FAM227B: variants seen among roughly 807,000 people sequenced by gnomAD.
FAM227B encodes family with sequence similarity 227 member B, also known as protein FAM227B.
In FAM227B, 88 loss-of-function variants were observed where a neutral mutation model predicts 73.8. That is an observed-to-expected ratio of 1.19 (90% CI 1.00 to 1.42). The LOEUF is 1.42. FAM227B is among the 40% of genes most tolerant of loss of function. The pLI, the probability that FAM227B is intolerant of heterozygous loss-of-function variation, is 0.00. For synonymous variants in FAM227B, 210 were observed against 190.5 expected (o/e 1.10, Z -0.84); for missense variants, 632 against 590.9 (o/e 1.07, Z -0.72).
At chr15:49,332,575 A>G (rs967108998) in intron 14 of FAM227B, among the ~76,000 whole-genome samples, 1 of 152,232 alleles carries the variant, frequency 6.6e-6, no homozygotes, top group Non-Finnish European at 1.5e-5. Context: ...AAGGAAGGAT[A>G]GAAACTTGAG....
chr15:49,568,705 A>T (rs2074858917), intron 8 of FAM227B, among the ~76,000 whole-genome samples: 1 of 152,014 alleles, frequency 6.6e-6, no homozygotes, highest in African/African-American at 2.4e-5. Flanking sequence ...TTGATGAGTT[A>T]ATTATCCTTA....
chr15:49,366,718 G>A (rs2045267305), intron 13 of FAM227B: 8 of 1,205,628 alleles, frequency 6.6e-6, no homozygotes, highest in South Asian at 2.4e-5. Context: ...GTGGCGCGGC[G>A]CGGCTCACTA....
In FAM227B at chr15:49,535,991, A is replaced by G. The variant is rs186277830; in HGVS notation, c.874+5689T>C. Reference sequence around the variant, plus strand: ...GAAAAACCAGAACACTTTTCCACTAAGATCCAGTACAAGACAAGGATACTC... The same window carrying G: ...GAAAAACCAGAACACTTTTCCACTAGGATCCAGTACAAGACAAGGATACTC... On this transcript the variant is annotated intron_variant, in intron 10 of 15. Transcript: ENST00000299338. Among the ~76,000 whole-genome samples, 4 of 151,264 alleles carry G rather than the reference A, an allele frequency of 2.6e-5. No homozygotes were observed. The East Asian group carries it at 7.8e-4, about 29-fold the overall frequency.
At chr15:49,583,990 G>T (rs1231534280) in intron 5 of FAM227B, among the ~76,000 whole-genome samples, 1 of 152,202 alleles carries the variant, frequency 6.6e-6, no homozygotes, top group East Asian at 1.9e-4. Context: ...AAGGAAGAAG[G>T]ACTCCTCCCT....
At chr15:49,436,021 G>A (rs1240450372) in intron 11 of FAM227B, among the ~76,000 whole-genome samples, 3 of 151,402 alleles carry the variant, frequency 2.0e-5, no homozygotes, top group African/African-American at 4.8e-5. Flanking sequence ...ATATCTCCAT[G>A]CTGTAAGCTT....
intron 11 of FAM227B, among the ~76,000 whole-genome samples, chr15:49,483,839 A>G (rs934605678): frequency 1.3e-5 from 2 of 152,104 alleles, no homozygotes; most frequent in African/African-American, 4.8e-5. Context: ...GGTTGCATGG[A>G]TGAACAAACA....
intron 13 of FAM227B, among the ~76,000 whole-genome samples, chr15:49,347,646 ATAAAGT>A (rs1567118064): frequency 6.6e-6 from 1 of 152,198 alleles, no homozygotes; most frequent in South Asian, 2.1e-4. Flanking sequence ...AGTTATTATC[ATAAAGT>A]TAATTAGTTT....
chr15:49,463,077 G>T (rs2053946279), intron 11 of FAM227B, among the ~76,000 whole-genome samples: 1 of 152,144 alleles, frequency 6.6e-6, no homozygotes, highest in Non-Finnish European at 1.5e-5. Context: ...CCTGTTTGAA[G>T]AAACAAGTTC....
intron 2 of FAM227B, 92 bp from the exon 3 acceptor site, chr15:49,611,360 C>A: frequency 1.5e-6 from 1 of 649,576 alleles, no homozygotes; most frequent in Non-Finnish European, 2.6e-6. Flanking sequence ...AAATGATACT[C>A]TATTTATCAT....
At chr15:49,329,808 A>C (rs1196378864) in intron 15 of FAM227B, 62 of 362,492 alleles carry the variant, frequency 1.7e-4, no homozygotes, top group Non-Finnish European at 2.1e-4. Context: ...GATCAGTGTA[A>C]AAAAAAAAAA....
intron 14 of FAM227B, among the ~76,000 whole-genome samples, chr15:49,333,841 A>G (rs924716366): frequency 6.6e-6 from 1 of 152,212 alleles, no homozygotes; most frequent in Non-Finnish European, 1.5e-5. Context: ...TTATAAAATA[A>G]ATGAGCCCAA....
At chr15:49,617,968 T>C (rs2078404767) in intron 1 of FAM227B, among the ~76,000 whole-genome samples, 1 of 152,212 alleles carries the variant, frequency 6.6e-6, no homozygotes. Context: ...TCAGAGCTCC[T>C]CCCTCTATCT....
At chr15:49,379,543 A>G (rs2046385663) in intron 11 of FAM227B, among the ~76,000 whole-genome samples, 1 of 151,918 alleles carries the variant, frequency 6.6e-6, no homozygotes. Context: ...TAGAAATTTG[A>G]TTTTCCAATG....
chr15:49,557,165 C>A (rs112365575), intron 9 of FAM227B, among the ~76,000 whole-genome samples: 64 of 152,300 alleles, frequency 4.2e-4, no homozygotes, highest in African/African-American at 1.5e-3. Flanking sequence ...TGTCCCAGTC[C>A]CTTGGTAGCA....
chr15:49,416,376 G>C (rs1690037025), intron 11 of FAM227B, among the ~76,000 whole-genome samples: 1 of 151,918 alleles, frequency 6.6e-6, no homozygotes, highest in African/African-American at 2.4e-5. Context: ...TATGGAATGG[G>C]GTGGACAGAA....
chr15:49,449,930 G>C (rs755935664), intron 11 of FAM227B, among the ~76,000 whole-genome samples: 1 of 151,988 alleles, frequency 6.6e-6, no homozygotes, highest in Non-Finnish European at 1.5e-5. Context: ...GAAATGTATG[G>C]AGGGAACACT....
intron 1 of FAM227B, 50 bp downstream of exon 1, chr15:49,620,650 T>C (rs1005858218): frequency 2.0e-5 from 3 of 152,192 alleles, no homozygotes; most frequent in African/African-American, 7.2e-5. Context: ...ATCTTTGAGG[T>C]GGGCAAAATG....
intron 10 of FAM227B, among the ~76,000 whole-genome samples, chr15:49,534,799 T>C (rs963604861): frequency 1.3e-5 from 2 of 151,342 alleles, no homozygotes; most frequent in African/African-American, 4.8e-5. Flanking sequence ...TAATGAGGAA[T>C]GTGGGAAAAT....
intron 9 of FAM227B, among the ~76,000 whole-genome samples, chr15:49,566,425 C>T (rs909715783): frequency 8.5e-5 from 13 of 152,202 alleles, no homozygotes; most frequent in Admixed American, 5.2e-4. Flanking sequence ...AAGTGTCAAA[C>T]TATTTGGAAA....
Sources: allele counts gnomAD v4.1 joint callset (sites outside exome capture counted in the v4.1 genomes callset), GRCh38; gene constraint gnomAD v4.1.1; transcripts MANE v1.5; gene names NCBI Gene and HGNC (gene_info 2026-07-23, HGNC 2026-07-21).